Variants in MRPS27 observed in about 807,000 individuals in gnomAD.
MRPS27 encodes the protein mitochondrial ribosomal protein S27.
In MRPS27, 43 loss-of-function variants were observed where a neutral mutation model predicts 48.9. The ratio of observed to expected loss-of-function variants is 0.88; its 90% CI spans 0.69 to 1.13. MRPS27 has a LOEUF of 1.13. MRPS27 is among the 50% of genes most tolerant of loss of function. MRPS27 has a pLI of 0.00. For synonymous variants in MRPS27, 188 were observed against 171.9 expected (o/e 1.09, Z -0.73); for missense variants, 467 against 476.3 (o/e 0.98, Z 0.18).
chr5:72,244,116 T>TAAAA (rs952590470), intron 4 of MRPS27, among the ~76,000 whole-genome samples: 2 of 152,118 alleles, frequency 1.3e-5, no homozygotes, highest in African/African-American at 4.8e-5. Flanking sequence ...TTGAAAAAAT[T>TAAAA]AAAACTCAGC....
chr5:72,318,769 G>C (rs1161717930), intron 1 of MRPS27, among the ~76,000 whole-genome samples: 1 of 147,634 alleles, frequency 6.8e-6, no homozygotes, highest in East Asian at 2.0e-4. Context: ...ACTCTAACCT[G>C]GGCAACAAGA....
intron 4 of MRPS27, among the ~76,000 whole-genome samples, chr5:72,281,298 C>T (rs952573296): frequency 6.6e-6 from 1 of 151,952 alleles, no homozygotes; most frequent in African/African-American, 2.4e-5. Context: ...TCATAAATAC[C>T]CTAAAGCACA....
intron 8 of MRPS27, among the ~76,000 whole-genome samples, chr5:72,226,688 C>T (rs1747908943): frequency 7.1e-6 from 1 of 141,330 alleles, no homozygotes; most frequent in African/African-American, 2.6e-5. Context: ...TTCAAAACAC[C>T]CAATCCTTAT....
intron 4 of MRPS27, among the ~76,000 whole-genome samples, chr5:72,289,351 C>T (rs917895404): frequency 6.6e-6 from 1 of 152,114 alleles, no homozygotes; most frequent in Admixed American, 6.5e-5. Flanking sequence ...ACAGTCTTTT[C>T]TTATTGTATA....
At chr5:72,291,695 T>C (rs1025978679) in intron 4 of MRPS27, among the ~76,000 whole-genome samples, 6 of 152,240 alleles carry the variant, frequency 3.9e-5, no homozygotes, top group Non-Finnish European at 7.3e-5. Context: ...AATTTTATTC[T>C]TATGCAAGTT....
intron 9 of MRPS27, 34 bp from the exon 10 acceptor site, chr5:72,223,884 T>C (rs1273822982): frequency 6.2e-7 from 1 of 1,604,726 alleles, no homozygotes; most frequent in Admixed American, 1.7e-5. Context: ...CAACCAAATG[T>C]TTTATGGCCC....
At chr5:72,245,741 A>G (rs1234678021) in intron 4 of MRPS27, among the ~76,000 whole-genome samples, 1 of 152,228 alleles carries the variant, frequency 6.6e-6, no homozygotes, top group Non-Finnish European at 1.5e-5. Context: ...GTAAAAGCAG[A>G]AAAGAATTAA....
At chr5:72,227,278 G>T (rs1043967241) in intron 8 of MRPS27, 1 of 152,130 alleles carries the variant, frequency 6.6e-6, no homozygotes, top group African/African-American at 2.4e-5. Context: ...ATGCTGATCT[G>T]AAAGCAAAGG....
chr5:72,261,405 A>C (rs1748970755), intron 4 of MRPS27, among the ~76,000 whole-genome samples: 1 of 151,974 alleles, frequency 6.6e-6, no homozygotes, highest in South Asian at 2.1e-4. Context: ...ACGCCACCAC[A>C]TGCCTGGGTA....
chr5:72,250,448 G>C (rs952919048), intron 4 of MRPS27, among the ~76,000 whole-genome samples: 1 of 152,276 alleles, frequency 6.6e-6, no homozygotes, highest in Non-Finnish European at 1.5e-5. Context: ...CAGAAGAGTA[G>C]GGAAAGAAGT....
At chr5:72,235,028 T>A (rs1172007901) in intron 5 of MRPS27, among the ~76,000 whole-genome samples, 1 of 152,094 alleles carries the variant, frequency 6.6e-6, no homozygotes, top group South Asian at 2.1e-4. Flanking sequence ...TATATCCATA[T>A]CCCCTTGAGA....
chr5:72,248,521 A>C (rs1333204153), intron 4 of MRPS27, among the ~76,000 whole-genome samples: 4 of 152,132 alleles, frequency 2.6e-5, no homozygotes, highest in East Asian at 3.9e-4. Flanking sequence ...AAAGTGTCTG[A>C]AAGTGCCAGG....
At position 72,248,714 on chromosome 5, in the gene MRPS27, A is replaced by T. The variant is rs1439598643; in HGVS notation, c.282-10586T>A. Among the ~76,000 whole-genome samples, 5 of 27,886 alleles carry T rather than the reference A, an allele frequency of 1.8e-4. No individual in the cohort carries two copies. In the East Asian group the frequency reaches 3.1e-3, roughly 17 times the overall value. The allele number at this position is 27,886 out of a possible 152,430, so 18.3% of individuals were successfully genotyped here. A position where few individuals can be genotyped will look rare whatever the true frequency, so the allele number is the denominator to read the frequency against. On this transcript the variant is annotated intron_variant, in intron 4 of 10. Transcript: ENST00000261413. ...AAAAAAGCTTTGATGTATAATAGTT[A>T]AATAGATTCCAGACAGGCTTAACTG...
At chr5:72,268,415 T>G (rs1158996619) in intron 4 of MRPS27, among the ~76,000 whole-genome samples, 1 of 152,248 alleles carries the variant, frequency 6.6e-6, no homozygotes, top group Non-Finnish European at 1.5e-5. Context: ...TAAAGTGTTT[T>G]GGCACCACTG....
At chr5:72,307,410 C>T (rs976296720) in intron 2 of MRPS27, among the ~76,000 whole-genome samples, 2 of 152,242 alleles carry the variant, frequency 1.3e-5, no homozygotes, top group South Asian at 4.1e-4. Flanking sequence ...CTGGATATTT[C>T]GTGATATTTA....
intron 7 of MRPS27, among the ~76,000 whole-genome samples, chr5:72,231,709 G>A (rs927963606): frequency 3.3e-5 from 5 of 152,104 alleles, no homozygotes; most frequent in Non-Finnish European, 5.9e-5. Context: ...GACCTCTTCA[G>A]TTCCTACCCA....
At chr5:72,308,657 G>A (rs1488649949) in intron 2 of MRPS27, among the ~76,000 whole-genome samples, 3 of 152,224 alleles carry the variant, frequency 2.0e-5, no homozygotes, top group South Asian at 4.1e-4. Context: ...TCCCTGCTAA[G>A]TGCCAGTAGC....
chr5:72,241,420 C>T, intron 4 of MRPS27: 2 of 532,102 alleles, frequency 3.8e-6, no homozygotes, highest in South Asian at 5.6e-5. Flanking sequence ...AGCAAATGAA[C>T]TCCTTTCTTG....
In MRPS27 at chr5:72,295,557, T is replaced by C; in HGVS notation, c.255A>G (p.Ile85Met). Residue 85 changes from isoleucine (I) to methionine (M), a missense_variant, in exon 4 of 11, where the codon ATA (isoleucine) becomes ATG (methionine). Transcript: ENST00000261413. ...LIDNISSREEIDHAEYYLYKF... is the reference protein window; with the variant it reads ...LIDNISSREEMDHAEYYLYKF... ...TGTAAAGGTAATACTCTGCATGATC[T>C]ATCTCTTCCCGAGAGGAAATGTTGT... 1 of 1,611,152 alleles carries C rather than the reference T, an allele frequency of 6.2e-7. No individual in the cohort carries two copies. The highest frequency in any genetic ancestry group is 8.5e-7 in the Non-Finnish European group (1 of 1,177,404).
Sources: allele counts gnomAD v4.1 joint callset (sites outside exome capture counted in the v4.1 genomes callset), GRCh38; gene constraint gnomAD v4.1.1; transcripts MANE v1.5; gene names NCBI Gene and HGNC (gene_info 2026-07-23, HGNC 2026-07-21).